AOPEP: variants seen among roughly 807,000 people sequenced by gnomAD.
AOPEP encodes the protein aminopeptidase O.
AOPEP carries 77 observed loss-of-function variants against 98.1 expected under a neutral mutation model. The observed-to-expected ratio is 0.78, with a 90% confidence interval of 0.65 to 0.95. The LOEUF (loss-of-function observed/expected upper bound fraction) is 0.95. Among genes scored for constraint, AOPEP ranks in the 40% least tolerant of loss-of-function variants. The probability of loss-of-function intolerance (pLI) is 0.00; values close to 1 mark genes in which losing one functional copy is unlikely to be tolerated. For missense variants in AOPEP, 1,024 were observed against 1,024.7 expected (o/e 1.00, Z 0.01); for synonymous variants, 346 against 365.3 (o/e 0.95, Z 0.60).
Position 95,086,789 on chromosome 9 carries a change from G to T in AOPEP, c.*112G>T. On this transcript the variant is annotated 3_prime_UTR_variant, in exon 17 of 17. Transcript: ENST00000375315. ...GGATTATGTGGCTGCTAAAGCCATC[G>T]GCCCACAGCCCTGTTCACATCTTGG... 2.0e-6 allele frequency: 2 copies of T among 987,954 alleles called. No homozygotes were observed. Among genetic ancestry groups the T allele is most frequent in the Non-Finnish European group, 2.4e-6 (2 of 830,130 alleles). The allele number at this position is 987,954 out of a possible 1,614,324, so 61.2% of individuals were successfully genotyped here.
rs1218234143 is a variant in AOPEP, at chr9:94,855,452, G to GCTGAGGCGGGCGGATCAC, written c.1364+54457_1364+54474dup. The stretch of plus-strand genomic sequence containing the variant: ...GCCTGTAATCCCAGCAGTTTGGGAG[G>GCTGAGGCGGGCGGATCAC]CTGAGGCGGGCGGATCACCTGAGGT... On this transcript the variant is annotated intron_variant, in intron 5 of 16. Coordinates refer to ENST00000375315, the MANE Select transcript of AOPEP (RefSeq NM_001193329.3). Among the ~76,000 whole-genome samples, 51 of 152,182 alleles carry GCTGAGGCGGGCGGATCAC rather than the reference G, an allele frequency of 3.4e-4. 1 individual carries two copies. The East Asian group carries it at 6.0e-3, about 18-fold the overall frequency.
At chr9:95,123,064 G>C in the AOPEP span, among the ~76,000 whole-genome samples, 1 of 152,202 alleles carries the variant, frequency 6.6e-6, no homozygotes, top group Admixed American at 6.5e-5. Flanking sequence ...CACCTTGGGA[G>C]GGCAAGGTGG....
At chr9:94,801,070 C>A (rs2092684824) in intron 5 of AOPEP, 68 bp downstream of exon 5, 2 of 1,559,872 alleles carry the variant, frequency 1.3e-6, no homozygotes, top group Non-Finnish European at 1.8e-6. Context: ...GTCTTGCTTT[C>A]CTTGAGCTCT....
intron 2 of AOPEP, 71 bp downstream of exon 2, chr9:94,760,651 G>A (rs778154453): frequency 5.4e-5 from 68 of 1,265,646 alleles, no homozygotes; most frequent in Admixed American, 2.1e-4. Context: ...TTTCAAACAT[G>A]AGACCGGCTC....
At chr9:94,965,042 A>G (rs2059105861) in intron 9 of AOPEP, among the ~76,000 whole-genome samples, 1 of 152,250 alleles carries the variant, frequency 6.6e-6, no homozygotes, top group African/African-American at 2.4e-5. Flanking sequence ...ATAAAATAAT[A>G]TATTAGATTG....
the AOPEP span, among the ~76,000 whole-genome samples, chr9:95,119,652 C>T: frequency 6.6e-6 from 1 of 152,234 alleles, no homozygotes; most frequent in Admixed American, 6.5e-5. Flanking sequence ...GCATGAGCCA[C>T]CGTGCCTGGC....
chr9:94,895,241 A>AAAT (rs1183497963), intron 5 of AOPEP, among the ~76,000 whole-genome samples: 1 of 112,836 alleles, frequency 8.9e-6, no homozygotes, highest in East Asian at 2.5e-4. Context: ...AAATAAAATA[A>AAAT]AAAAAAAAAA....
the AOPEP span, among the ~76,000 whole-genome samples, chr9:95,136,019 C>T: frequency 5.5e-4 from 83 of 152,166 alleles, no homozygotes; most frequent in Admixed American, 1.2e-3. Context: ...AACACACGTA[C>T]AGTGATTAGC....
At position 94,773,283 on chromosome 9, in the gene AOPEP, TG is replaced by T. The variant is rs1283616794; in HGVS notation, c.964+116del. 1.7e-5 allele frequency: 16 copies of T among 955,684 alleles called. No homozygotes were observed. In the East Asian group the frequency reaches 4.0e-4, roughly 24 times the overall value. The allele number at this position is 955,684 out of a possible 1,614,324, so 59.2% of individuals were successfully genotyped here. On this transcript the variant is annotated intron_variant, in intron 3 of 16. Transcript: ENST00000375315. ...GCTCCTTTATTAGTTGGGTTGGAAATGATCATAGTATAAAACATCCTGCCAG... is the reference window on the plus strand; with the variant it reads ...GCTCCTTTATTAGTTGGGTTGGAAATATCATAGTATAAAACATCCTGCCAG...
the AOPEP span, among the ~76,000 whole-genome samples, chr9:95,146,610 A>G: frequency 6.6e-6 from 1 of 152,146 alleles, no homozygotes; most frequent in African/African-American, 2.4e-5. Flanking sequence ...TTAAAATCAC[A>G]TTGCATGTAT....
At chr9:94,784,767 C>G (rs1021325824) in intron 3 of AOPEP, among the ~76,000 whole-genome samples, 1 of 152,132 alleles carries the variant, frequency 6.6e-6, no homozygotes, top group African/African-American at 2.4e-5. Flanking sequence ...AGGTGCCCAC[C>G]ACCACGCCTG....
At chr9:95,113,109 T>TG in the AOPEP span, among the ~76,000 whole-genome samples, 2 of 152,158 alleles carry the variant, frequency 1.3e-5, no homozygotes, top group African/African-American at 2.4e-5. Flanking sequence ...GGAGGGTGTG[T>TG]GGGGGGCCGA....
intron 14 of AOPEP, among the ~76,000 whole-genome samples, chr9:95,075,587 A>G (rs758599723): frequency 1.3e-5 from 2 of 152,226 alleles, no homozygotes; most frequent in Non-Finnish European, 2.9e-5. Context: ...TTTTATGCAC[A>G]TGAAAAAAAT....
At chr9:94,895,830 A>C (rs190515512) in intron 5 of AOPEP, among the ~76,000 whole-genome samples, 44 of 152,288 alleles carry the variant, frequency 2.9e-4, no homozygotes, top group Non-Finnish European at 4.6e-4. Flanking sequence ...CTGAGATTAC[A>C]GATGTGAGCC....
chr9:94,890,438 C>T (rs964506293), intron 5 of AOPEP, among the ~76,000 whole-genome samples: 7 of 152,186 alleles, frequency 4.6e-5, no homozygotes, highest in Non-Finnish European at 8.8e-5. Flanking sequence ...GCTGGGATTA[C>T]AGGCATGAGC....
At chr9:94,868,593 T>C (rs1440167709) in intron 5 of AOPEP, among the ~76,000 whole-genome samples, 1 of 152,194 alleles carries the variant, frequency 6.6e-6, no homozygotes, top group Non-Finnish European at 1.5e-5. Context: ...GCATGCTCCA[T>C]TGCTGCATCA....
At chr9:94,944,753 T>G (rs1027211131) in intron 7 of AOPEP, among the ~76,000 whole-genome samples, 7 of 152,096 alleles carry the variant, frequency 4.6e-5, no homozygotes, top group Non-Finnish European at 8.8e-5. Flanking sequence ...GGGGAGTGAC[T>G]GCCAGTGTGT....
intron 13 of AOPEP, among the ~76,000 whole-genome samples, chr9:95,007,152 G>A (rs78887172): frequency 1.4e-4 from 22 of 151,930 alleles, no homozygotes; most frequent in African/African-American, 3.9e-4. Context: ...TGCCCGCCTC[G>A]GTGTCCCAAA....
chr9:94,803,108 C>G (rs1412716953), intron 5 of AOPEP, among the ~76,000 whole-genome samples: 1 of 152,128 alleles, frequency 6.6e-6, no homozygotes, highest in African/African-American at 2.4e-5. Flanking sequence ...ATACCCTAAA[C>G]AGGAATAGAG....
Sources: gnomAD v4.1 joint callset for allele counts (sites outside exome capture counted in the v4.1 genomes callset) on GRCh38, gnomAD v4.1.1 for gene constraint, MANE v1.5 for transcripts, NCBI Gene and HGNC (gene_info 2026-07-23, HGNC 2026-07-21) for gene names.